Variants in ASTN2 observed in about 807,000 individuals in gnomAD.
ASTN2 encodes the protein astrotactin 2.
Under a neutral mutation model 139.8 loss-of-function variants are expected in ASTN2, and 54 were observed. That is an observed-to-expected ratio of 0.39 (90% CI 0.31 to 0.48). The LOEUF (loss-of-function observed/expected upper bound fraction) is 0.48. Ranked by LOEUF, ASTN2 falls within the 20% of genes least tolerant of loss-of-function variation. The probability of loss-of-function intolerance (pLI) is 0.95; values close to 1 mark genes in which losing one functional copy is unlikely to be tolerated. For missense variants in ASTN2, 1,565 were observed against 1,725.1 expected (o/e 0.91, Z 1.64); for synonymous variants, 756 against 719.5 (o/e 1.05, Z -0.81).
At chr9:117,334,533 G>A (rs1027198808) in intron 1 of ASTN2, among the ~76,000 whole-genome samples, 6 of 151,110 alleles carry the variant, frequency 4.0e-5, no homozygotes, top group Non-Finnish European at 8.8e-5. Context: ...GCAAAGCCAG[G>A]CATACTCCTT....
chr9:116,992,421 G>T (rs1183579054), intron 7 of ASTN2, among the ~76,000 whole-genome samples: 2 of 152,078 alleles, frequency 1.3e-5, no homozygotes, highest in Non-Finnish European at 2.9e-5. Flanking sequence ...TAGAGGCAAG[G>T]GTCATTAATT....
chr9:117,026,906 C>A (rs1838104155), intron 6 of ASTN2, among the ~76,000 whole-genome samples: 1 of 132,480 alleles, frequency 7.5e-6, no homozygotes, highest in South Asian at 2.4e-4. Flanking sequence ...CACAGATGCA[C>A]AAACGAGGCT....
At chr9:116,617,173 G>C (rs1356837613) in intron 19 of ASTN2, among the ~76,000 whole-genome samples, 1 of 152,060 alleles carries the variant, frequency 6.6e-6, no homozygotes, top group Non-Finnish European at 1.5e-5. Context: ...TTCTTTTTCT[G>C]ACTTCTTTTA....
intron 10 of ASTN2, among the ~76,000 whole-genome samples, chr9:116,863,973 T>C (rs1054450357): frequency 4.6e-5 from 7 of 152,218 alleles, no homozygotes; most frequent in African/African-American, 1.7e-4. Context: ...TTAATACTTA[T>C]GATTCTTGGA....
Position 116,805,751 on chromosome 9 carries a change from G to A in ASTN2, c.2277C>T (p.Gly759=). 6.2e-7 allele frequency: 1 copy of A among 1,613,936 alleles called. No individual in the cohort carries two copies. ...TGGAGTCAGGTTTGAGGCACTTGGG[G>A]CCCTCGCAGACATCTGAGAGCATTA... The part of the protein sequence containing the change: ...SCLMLSDVCE[G]PKCLKPDSKF... Residue 759 remains glycine (G), a synonymous_variant, in exon 13 of 23, where the codon GGC becomes GGT. Transcript: ENST00000313400.
chr9:116,901,580 T>A (rs960138750), intron 10 of ASTN2, among the ~76,000 whole-genome samples: 1 of 152,196 alleles, frequency 6.6e-6, no homozygotes, highest in Non-Finnish European at 1.5e-5. Context: ...TAAACAAACT[T>A]ACTGAACTGC....
chr9:116,808,671 T>C (rs1831091452), intron 12 of ASTN2, among the ~76,000 whole-genome samples: 1 of 152,196 alleles, frequency 6.6e-6, no homozygotes, highest in Non-Finnish European at 1.5e-5. Flanking sequence ...TGTGTTTCTA[T>C]AAAACAGATA....
At chr9:116,953,346 A>G (rs900103531) in intron 10 of ASTN2, among the ~76,000 whole-genome samples, 1 of 152,194 alleles carries the variant, frequency 6.6e-6, no homozygotes, top group African/African-American at 2.4e-5. Flanking sequence ...TGCTTTTCCC[A>G]CTGCAAATTG....
intron 16 of ASTN2, among the ~76,000 whole-genome samples, chr9:116,681,285 G>A (rs1422232639): frequency 2.6e-5 from 4 of 152,178 alleles, no homozygotes; most frequent in Admixed American, 2.6e-4. Flanking sequence ...TTGCTTCAAA[G>A]TGAATAAAAT....
At chr9:116,977,753 A>G (rs1274505551) in intron 7 of ASTN2, among the ~76,000 whole-genome samples, 3 of 132,882 alleles carry the variant, frequency 2.3e-5, no homozygotes, top group East Asian at 2.2e-4. Flanking sequence ...GTCTCACTCC[A>G]TCACCCAGAC....
chr9:117,387,465 G>A (rs1286605559), intron 1 of ASTN2, among the ~76,000 whole-genome samples: 3 of 152,120 alleles, frequency 2.0e-5, no homozygotes, highest in Non-Finnish European at 4.4e-5. Context: ...CTGAGAGAGT[G>A]ACATTAACTT....
intron 3 of ASTN2, among the ~76,000 whole-genome samples, chr9:117,147,307 C>A (rs1439163920): frequency 6.6e-6 from 1 of 152,102 alleles, no homozygotes; most frequent in Non-Finnish European, 1.5e-5. Flanking sequence ...GGGTTTGATG[C>A]AGGCCTGTAA....
At chr9:116,913,066 G>C (rs774201255) in intron 10 of ASTN2, among the ~76,000 whole-genome samples, 15 of 152,076 alleles carry the variant, frequency 9.9e-5, no homozygotes, top group Non-Finnish European at 1.3e-4. Flanking sequence ...ACGACACATG[G>C]CTAATTTTTG....
chr9:116,815,828 AGT>A (rs1831312500), intron 12 of ASTN2, among the ~76,000 whole-genome samples: 7 of 145,874 alleles, frequency 4.8e-5, no homozygotes, highest in Non-Finnish European at 9.1e-5. Context: ...AAAAAAAAAA[AGT>A]TGATGAAATG....
intron 19 of ASTN2, among the ~76,000 whole-genome samples, chr9:116,603,210 C>A (rs1310205923): frequency 6.6e-6 from 1 of 152,000 alleles, no homozygotes; most frequent in Non-Finnish European, 1.5e-5. Context: ...TGGACTCTAC[C>A]ATAGATAGAA....
intron 2 of ASTN2, among the ~76,000 whole-genome samples, chr9:117,247,435 G>C (rs1833413465): frequency 6.6e-6 from 1 of 152,106 alleles, no homozygotes; most frequent in African/African-American, 2.4e-5. Flanking sequence ...TTCTGGGAGT[G>C]GTGTGTCCCC....
chr9:117,378,397 G>A (rs1242532019), intron 1 of ASTN2, among the ~76,000 whole-genome samples: 2 of 152,200 alleles, frequency 1.3e-5, no homozygotes, highest in Non-Finnish European at 2.9e-5. Context: ...ATAATGTGTT[G>A]TGGTGGTCTT....
intron 2 of ASTN2, among the ~76,000 whole-genome samples, chr9:117,254,500 A>C (rs1182296566): frequency 6.6e-6 from 1 of 152,156 alleles, no homozygotes; most frequent in African/African-American, 2.4e-5. Flanking sequence ...GGGTTAGACA[A>C]TGGTGAGACA....
intron 20 of ASTN2, among the ~76,000 whole-genome samples, chr9:116,450,160 T>C (rs913020810): frequency 3.3e-5 from 5 of 152,222 alleles, no homozygotes; most frequent in African/African-American, 1.2e-4. Context: ...CCACTGCCTA[T>C]TTTCATAAAT....
Sources: gnomAD v4.1 joint callset for allele counts (sites outside exome capture counted in the v4.1 genomes callset) on GRCh38, gnomAD v4.1.1 for gene constraint, MANE v1.5 for transcripts, NCBI Gene and HGNC (gene_info 2026-07-23, HGNC 2026-07-21) for gene names.